Variants in GRID2 observed in about 807,000 individuals in gnomAD.
GRID2 encodes glutamate receptor ionotropic, delta-2.
A neutral mutation model predicts 114.8 loss-of-function variants in GRID2; 33 were observed. The ratio of observed to expected loss-of-function variants is 0.29; its 90% CI spans 0.22 to 0.38. The LOEUF is 0.38. GRID2 is among the 10% of genes least tolerant of loss of function. GRID2 has a pLI of 1.00. For missense variants in GRID2, 1,184 were observed against 1,257.7 expected, an observed-to-expected ratio of 0.94 and a Z score of 0.89; for synonymous variants, 505 against 449.9, an observed-to-expected ratio of 1.12 and a Z score of -1.55.
At chr4:93,018,129 T>G (rs1722941816) in intron 2 of GRID2, among the ~76,000 whole-genome samples, 1 of 151,622 alleles carries the variant, frequency 6.6e-6, no homozygotes, top group African/African-American at 2.4e-5. Context: ...GGATAGGCTA[T>G]GAAATGTTGG....
At chr4:92,936,559 T>C (rs1277529303) in intron 2 of GRID2, among the ~76,000 whole-genome samples, 1 of 146,346 alleles carries the variant, frequency 6.8e-6, no homozygotes, top group Non-Finnish European at 1.5e-5. Context: ...TAGTAGATTG[T>C]GGTTTCCAGT....
At chr4:92,448,243 C>T (rs567804268) in intron 1 of GRID2, among the ~76,000 whole-genome samples, 12 of 152,074 alleles carry the variant, frequency 7.9e-5, no homozygotes, top group Admixed American at 3.9e-4. Context: ...GGTACCATCT[C>T]GGCTCACTGC....
At chr4:92,944,106 A>G (rs2149542275) in intron 2 of GRID2, among the ~76,000 whole-genome samples, 1 of 152,292 alleles carries the variant, frequency 6.6e-6, no homozygotes, top group Non-Finnish European at 1.5e-5. Context: ...CTCTCTTCAA[A>G]GCTGTCAGAC....
At chr4:93,145,989 G>GGT (rs912922155) in intron 4 of GRID2, among the ~76,000 whole-genome samples, 16 of 151,564 alleles carry the variant, frequency 1.1e-4, no homozygotes, top group African/African-American at 3.1e-4. Context: ...AATAGACAAA[G>GGT]GTATATATAT....
chr4:92,926,503 C>T (rs1560709090), intron 2 of GRID2, among the ~76,000 whole-genome samples: 1 of 151,844 alleles, frequency 6.6e-6, no homozygotes, highest in Non-Finnish European at 1.5e-5. Flanking sequence ...GATTTCTAAA[C>T]AAGGCATATA....
At chr4:93,381,802 G>A (rs1763879091) in intron 8 of GRID2, among the ~76,000 whole-genome samples, 1 of 152,006 alleles carries the variant, frequency 6.6e-6, no homozygotes. Context: ...TACAATAATA[G>A]TAGCTTTTAT....
chr4:93,616,712 G>A (rs1030455012), intron 13 of GRID2, among the ~76,000 whole-genome samples: 1 of 151,094 alleles, frequency 6.6e-6, no homozygotes, highest in Non-Finnish European at 1.5e-5. Context: ...CAAGTATCTG[G>A]ACAAAATATC....
chr4:92,944,613 C>T (rs949706738), intron 2 of GRID2, among the ~76,000 whole-genome samples: 20 of 152,214 alleles, frequency 1.3e-4, no homozygotes, highest in Admixed American at 9.8e-4. Context: ...CCTGGTATCT[C>T]AGTTGGAAAA....
intron 9 of GRID2, among the ~76,000 whole-genome samples, chr4:93,407,036 C>G (rs765293208): frequency 6.6e-6 from 1 of 152,114 alleles, no homozygotes; most frequent in African/African-American, 2.4e-5. Flanking sequence ...TAAATTTTGA[C>G]AAATCACATA....
At chr4:92,907,982 C>A (rs540783851) in intron 2 of GRID2, among the ~76,000 whole-genome samples, 3 of 152,156 alleles carry the variant, frequency 2.0e-5, no homozygotes, top group Admixed American at 2.0e-4. Context: ...GAGACTATGG[C>A]ACTGTACTCC....
At chr4:92,945,792 C>T (rs1751579444) in intron 2 of GRID2, among the ~76,000 whole-genome samples, 1 of 152,044 alleles carries the variant, frequency 6.6e-6, no homozygotes, top group South Asian at 2.1e-4. Context: ...TTCATTTGAT[C>T]ATCTTATTTT....
intron 2 of GRID2, among the ~76,000 whole-genome samples, chr4:93,081,841 T>C (rs1729899542): frequency 6.6e-6 from 1 of 152,254 alleles, no homozygotes; most frequent in Admixed American, 6.5e-5. Context: ...CAACTCATAA[T>C]AATAGTCTCT....
chr4:92,927,765 A>G (rs768131458), intron 2 of GRID2, among the ~76,000 whole-genome samples: 3 of 151,756 alleles, frequency 2.0e-5, no homozygotes, highest in Non-Finnish European at 4.4e-5. Flanking sequence ...ATTCTTATGG[A>G]GATATTTACA....
chr4:93,128,055 AAAAAC>A (rs1417834100), intron 4 of GRID2, among the ~76,000 whole-genome samples: 36 of 145,160 alleles, frequency 2.5e-4, no homozygotes, highest in African/African-American at 7.7e-4. Flanking sequence ...AAAAAAAAAA[AAAAAC>A]AACAGTACGT....
At chr4:93,131,572 T>C (rs1217165379) in intron 4 of GRID2, among the ~76,000 whole-genome samples, 1 of 149,570 alleles carries the variant, frequency 6.7e-6, no homozygotes, top group Non-Finnish European at 1.5e-5. Flanking sequence ...ATTATCCAGG[T>C]TGAAATTTTT....
chr4:93,280,279 G>A (rs1358048588), intron 8 of GRID2, among the ~76,000 whole-genome samples: 1 of 151,898 alleles, frequency 6.6e-6, no homozygotes, highest in Non-Finnish European at 1.5e-5. Flanking sequence ...TGGTCAACAC[G>A]TTTAATAGTT....
In GRID2 at chr4:93,168,136, C is replaced by T. The variant is rs75603938; in HGVS notation, c.736-39268C>T. On this transcript the variant is annotated intron_variant, in intron 4 of 15. Transcript: ENST00000282020. ...ATTTGAACCCATGAGGCAGAGTTTGCGGTGAGCCGTGATTGAGATCGCAGC... is the reference window on the plus strand; with the variant it reads ...ATTTGAACCCATGAGGCAGAGTTTGTGGTGAGCCGTGATTGAGATCGCAGC... Among the ~76,000 whole-genome samples, 23 of 151,686 alleles carry T rather than the reference C, an allele frequency of 1.5e-4. No individual in the cohort carries two copies. The South Asian group carries it at 1.7e-3, about 11-fold the overall frequency.
chr4:93,509,678 A>G (rs1468508406), intron 12 of GRID2, among the ~76,000 whole-genome samples: 1 of 152,182 alleles, frequency 6.6e-6, no homozygotes, highest in Non-Finnish European at 1.5e-5. Context: ...TGCTTTTAGA[A>G]ACTAAGTGTT....
rs191755728 is a variant in GRID2, at chr4:93,116,286, T to C, written c.735+5333T>C. On this transcript the variant is annotated intron_variant, in intron 4 of 15. Coordinates refer to ENST00000282020, the MANE Select transcript of GRID2 (RefSeq NM_001510.4). ...ATGTCCCACAGATTTACTTTTATAT[T>C]GAGTGTGTTGGAAGCACGTATTTTC... Among the ~76,000 whole-genome samples, 62 of 152,302 alleles carry C rather than the reference T, an allele frequency of 4.1e-4. No homozygotes were observed. In the East Asian group the frequency reaches 0.012, roughly 28 times the overall value.
Sources: gnomAD v4.1 joint callset for allele counts (sites outside exome capture counted in the v4.1 genomes callset) on GRCh38, gnomAD v4.1.1 for gene constraint, MANE v1.5 for transcripts, NCBI Gene and HGNC (gene_info 2026-07-23, HGNC 2026-07-21) for gene names.